Variants in NPAS3 observed in about 807,000 individuals in gnomAD.
NPAS3 encodes neuronal PAS domain-containing protein 3.
NPAS3 carries 14 observed loss-of-function variants against 73.1 expected under a neutral mutation model. The observed-to-expected ratio is 0.19, with a 90% CI of 0.13 to 0.30. The LOEUF (loss-of-function observed/expected upper bound fraction) is 0.30, where lower values mean the gene tolerates loss of function less well. Among genes scored for constraint, NPAS3 ranks in the 10% least tolerant of loss-of-function variants. NPAS3 has a pLI of 1.00. For missense variants in NPAS3, 1,096 were observed against 1,250.0 expected, an observed-to-expected ratio of 0.88 and a Z score of 1.86; for synonymous variants, 620 against 541.5, an observed-to-expected ratio of 1.14 and a Z score of -2.01.
chr14:33,789,637 G>A (rs975623745), intron 9 of NPAS3, among the ~76,000 whole-genome samples: 4 of 119,850 alleles, frequency 3.3e-5, no homozygotes, highest in African/African-American at 6.4e-5. Context: ...CGCCCAGGCT[G>A]GAGTGCAGTG....
At chr14:32,936,994 G>C (rs1404016590), upstream of NPAS3, among the ~76,000 whole-genome samples, 2 of 144,870 alleles carry the variant, frequency 1.4e-5, no homozygotes, top group South Asian at 4.3e-4. Context: ...TCCCTCCTTC[G>C]ATTTTTATGT....
rs77587018 is a variant in NPAS3, at chr14:33,465,566, C to T, written c.469-94555C>T. The stretch of plus-strand genomic sequence containing the variant: ...TTACAGCACTCTTGTTTAATTCTCA[C>T]GTAAAAATCTATTTTTATTAGCCCT... On this transcript the variant is annotated intron_variant, in intron 4 of 11. Transcript: ENST00000356141. 1.1e-3 allele frequency among the ~76,000 whole-genome samples: 171 copies of T among 152,194 alleles called. 1 individual carries two copies. The highest frequency in any genetic ancestry group is 7.3e-3 in the South Asian group (35 of 4,820).
intron 6 of NPAS3, among the ~76,000 whole-genome samples, chr14:33,706,088 G>C (rs1474568211): frequency 6.6e-6 from 1 of 152,172 alleles, no homozygotes; most frequent in Admixed American, 6.5e-5. Flanking sequence ...ACAAATCCCG[G>C]GATGACATTA....
At chr14:33,604,585 C>A (rs1162896220) in intron 5 of NPAS3, among the ~76,000 whole-genome samples, 1 of 152,044 alleles carries the variant, frequency 6.6e-6, no homozygotes. Context: ...CTTTAAATAG[C>A]ACTATCTACC....
intron 4 of NPAS3, among the ~76,000 whole-genome samples, chr14:33,386,143 C>T (rs908647235): frequency 1.3e-5 from 2 of 151,624 alleles, no homozygotes; most frequent in African/African-American, 4.8e-5. Flanking sequence ...TGGTGATTTA[C>T]ATCAGTGCAG....
At chr14:33,440,255 T>C (rs2049186271) in intron 4 of NPAS3, among the ~76,000 whole-genome samples, 2 of 152,258 alleles carry the variant, frequency 1.3e-5, no homozygotes, top group Admixed American at 6.5e-5. Context: ...TCAAGGTACT[T>C]GTCACTGGAC....
At chr14:33,183,574 T>C (rs947912942) in intron 2 of NPAS3, among the ~76,000 whole-genome samples, 16 of 151,894 alleles carry the variant, frequency 1.1e-4, no homozygotes, top group Non-Finnish European at 2.2e-4. Flanking sequence ...CCATCACGCC[T>C]GTGTCTGCCT....
chr14:33,797,553 A>G (rs149420356), exon 11 of NPAS3: 261 of 1,614,116 alleles, frequency 1.6e-4, no homozygotes, highest in Middle Eastern at 1.3e-3. Flanking sequence ...ACTCTGAGTC[A>G]GACTCTAAAG....
chr14:33,525,154 AG>A (rs1167949939), intron 4 of NPAS3, among the ~76,000 whole-genome samples: 2 of 152,202 alleles, frequency 1.3e-5, no homozygotes, highest in Non-Finnish European at 2.9e-5. Flanking sequence ...AAAGGGGATA[AG>A]TATCCTAGTT....
At chr14:33,765,124 T>C (rs968238709) in intron 7 of NPAS3, among the ~76,000 whole-genome samples, 1 of 152,138 alleles carries the variant, frequency 6.6e-6, no homozygotes, top group Non-Finnish European at 1.5e-5. Flanking sequence ...AAAGCTGTAA[T>C]TATAGTTATA....
At chr14:33,663,113 T>C (rs1209032316) in intron 5 of NPAS3, among the ~76,000 whole-genome samples, 1 of 152,086 alleles carries the variant, frequency 6.6e-6, no homozygotes, top group East Asian at 1.9e-4. Context: ...TCCAATACTA[T>C]GTTGAATAGG....
intron 3 of NPAS3, among the ~76,000 whole-genome samples, chr14:33,261,331 A>C (rs2048970207): frequency 1.3e-5 from 2 of 151,972 alleles, no homozygotes; most frequent in South Asian, 4.1e-4. Flanking sequence ...TTTCCCCTTA[A>C]TGTGACTTTT....
chr14:33,629,531 G>A (rs1222405786), intron 5 of NPAS3, among the ~76,000 whole-genome samples: 1 of 151,728 alleles, frequency 6.6e-6, no homozygotes, highest in Non-Finnish European at 1.5e-5. Context: ...ACTAATGATA[G>A]CAGTGAGGCT....
chr14:33,502,658 A>G (rs2052574241), intron 4 of NPAS3, among the ~76,000 whole-genome samples: 1 of 151,706 alleles, frequency 6.6e-6, no homozygotes. Flanking sequence ...CTTCAACGTA[A>G]TCTTCTCCAT....
At chr14:33,735,709 A>T (rs1309385429) in intron 7 of NPAS3, among the ~76,000 whole-genome samples, 1 of 152,034 alleles carries the variant, frequency 6.6e-6, no homozygotes, top group African/African-American at 2.4e-5. Context: ...TTTCCCCTTC[A>T]AATTCTCCCT....
intron 4 of NPAS3, among the ~76,000 whole-genome samples, chr14:33,420,143 T>C (rs2048312233): frequency 6.6e-6 from 1 of 152,006 alleles, no homozygotes; most frequent in Non-Finnish European, 1.5e-5. Context: ...ATAATTAGCC[T>C]TCACTTTGCT....
chr14:33,668,989 C>T (rs2059535551), intron 5 of NPAS3, among the ~76,000 whole-genome samples: 2 of 152,150 alleles, frequency 1.3e-5, no homozygotes, highest in African/African-American at 4.8e-5. Flanking sequence ...ATGCATAACA[C>T]TCATCTCAAC....
At chr14:33,530,422 G>C (rs1038289996) in intron 4 of NPAS3, among the ~76,000 whole-genome samples, 23 of 152,252 alleles carry the variant, frequency 1.5e-4, no homozygotes, top group South Asian at 6.2e-4. Context: ...TTAGAGTATC[G>C]TGGTCAGGCC....
chr14:33,588,976 T>A (rs1386484791), intron 5 of NPAS3, among the ~76,000 whole-genome samples: 1 of 152,198 alleles, frequency 6.6e-6, no homozygotes, highest in Non-Finnish European at 1.5e-5. Flanking sequence ...GAGGGAACAC[T>A]GTCTTGTTTC....
Sources: gnomAD v4.1 joint callset for allele counts (sites outside exome capture counted in the v4.1 genomes callset) on GRCh38, gnomAD v4.1.1 for gene constraint, MANE v1.5 for transcripts, NCBI Gene and HGNC (gene_info 2026-07-23, HGNC 2026-07-21) for gene names.